The following IGFN1 variants were observed in gnomAD, a reference collection of about 807,000 sequenced individuals.
The protein encoded by IGFN1 is immunoglobulin-like and fibronectin type III domain-containing protein 1.
IGFN1 carries 253 observed loss-of-function variants against 289.5 expected under a neutral mutation model. The ratio of observed to expected loss-of-function variants is 0.87; its 90% confidence interval spans 0.79 to 0.97. IGFN1 has a LOEUF of 0.97. Ranked by LOEUF, IGFN1 falls within the 50% of genes least tolerant of loss-of-function variation. IGFN1 has a pLI of 0.00. For missense variants in IGFN1, 4,470 were observed against 4,686.1 expected, an observed-to-expected ratio of 0.95 and a Z score of 1.35; for synonymous variants, 1,706 against 1,788.5, an observed-to-expected ratio of 0.95 and a Z score of 1.16.
At chr1:201,195,134 G>A (rs1225546044) in intron 3 of IGFN1, among the ~76,000 whole-genome samples, 2 of 150,906 alleles carry the variant, frequency 1.3e-5, no homozygotes, top group African/African-American at 2.4e-5. Context: ...AGGAAGGGAA[G>A]CCAGAAAATC....
chr1:201,212,361 G>A lies in IGFN1; in HGVS notation c.7468G>A (p.Val2490Ile). Residue 2490 changes from valine to isoleucine, a missense_variant, in exon 12 of 24, where the codon GTC becomes ATC. Val to Ile is a conservative substitution (Grantham distance 29). Around this residue, in one of 8 missense-constraint regions of IGFN1, gnomAD observed 2,218 missense variants for 2,114.1 expected, o/e 1.05. Coordinates refer to ENST00000335211, the MANE Select transcript of IGFN1 (RefSeq NM_001164586.2). ...EAAGAKGKPD[V>I]KEWQDSSGTP... Reference sequence around the variant, plus strand: ...TGCTGGTGCCAAGGGAAAACCAGATGTCAAAGAATGGCAAGACAGTTCTGG... The same window carrying A: ...TGCTGGTGCCAAGGGAAAACCAGATATCAAAGAATGGCAAGACAGTTCTGG... 6.5e-7 allele frequency: 1 copy of A among 1,536,848 alleles called. No individual in the cohort carries two copies. Among genetic ancestry groups the A allele is most frequent in the Non-Finnish European group, 8.7e-7 (1 of 1,146,798 alleles).
chr1:201,197,337 T>C lies in IGFN1; in HGVS notation c.367+20T>C. On this transcript the variant is annotated intron_variant, in intron 5 of 23. Coordinates refer to ENST00000335211, the MANE Select transcript of IGFN1 (RefSeq NM_001164586.2). The stretch of plus-strand genomic sequence containing the variant: ...TCGAAGGTGGGCTTTTCCCTGAGTT[T>C]GTCTCATCAGTGCACAGGGCAGAGA... The C allele has an allele frequency of 6.7e-7, 1 of 1,487,032 alleles. No individual in the cohort carries two copies. 92.1% of individuals were successfully genotyped at this position (1,487,032 alleles called of 1,614,324 possible). A position where few individuals can be genotyped will look rare whatever the true frequency, so the allele number is the denominator to read the frequency against.
Position 201,205,101 on chromosome 1 carries a change from G to C in IGFN1, c.936G>C (p.Val312=). The C allele has an allele frequency of 2.6e-6, 4 of 1,547,648 alleles. No homozygotes were observed. The highest frequency in any genetic ancestry group is 3.5e-6 in the Non-Finnish European group (4 of 1,144,586). The change falls in exon 11 of 24, where the codon GTG becomes GTC. Residue 312 remains valine, a synonymous_variant. Transcript: ENST00000335211. ...LEASAIPPRV[V]VPLAETHCEE... is the part of the protein sequence containing the mutation. ...CGGCAGCCATCCCCCCAAGAGTGGT[G>C]GTCCCACTGGCGGAGACCCACTGTG...
rs577682608 is a variant in IGFN1, at chr1:201,205,195, C to T, written c.1030C>T (p.Arg344Trp). ...SPCPSAAWHF[R>W]HRLLHPSDKY... ...CTGCCCTAGTGCAGCCTGGCATTTC[C>T]GGCACCGGCTACTCCACCCCAGTGA... Residue 344 changes from arginine to tryptophan, a missense_variant, in exon 11 of 24, where the codon CGG becomes TGG. Around this residue, in one of 8 missense-constraint regions of IGFN1, gnomAD observed 2,011 missense variants for 1,953.4 expected, o/e 1.03. Coordinates refer to ENST00000335211, the MANE Select transcript of IGFN1 (RefSeq NM_001164586.2). 142 of 1,551,300 alleles carry T rather than the reference C, an allele frequency of 9.2e-5. No homozygotes were observed. The East Asian group carries it at 3.0e-3, about 32-fold the overall frequency.
Position 201,216,287 on chromosome 1 carries a change from G to GTAA in IGFN1, c.9296-165_9296-163dup, listed in dbSNP as rs1653260483. 1.6e-5 allele frequency: 10 copies of GTAA among 613,618 alleles called. No individual in the cohort carries two copies. The South Asian group carries it at 2.0e-4, about 12-fold the overall frequency. 38.0% of individuals were successfully genotyped at this position (613,618 alleles called of 1,614,324 possible). A position where few individuals can be genotyped will look rare whatever the true frequency, so the allele number is the denominator to read the frequency against. On this transcript the variant is annotated intron_variant, in intron 15 of 23. Coordinates refer to ENST00000335211, the MANE Select transcript of IGFN1 (RefSeq NM_001164586.2). ...ATCTCAAGAATGTGTGGCCCTCTGG[G>GTAA]TAATGCCCAAGGCTCTCTGGACAGT...
rs1450617988 is a variant in IGFN1, at chr1:201,197,204, T to G, written c.268-14T>G. 2.6e-6 allele frequency: 4 copies of G among 1,523,524 alleles called. No homozygotes were observed. 94.4% of individuals were successfully genotyped at this position (1,523,524 alleles called of 1,614,324 possible). ...TGTGGTAGCCCTGTTCCTCTGCCCT[T>G]GGCCTCTCTGCAGATCAACAAGCTG... On this transcript the variant is annotated splice_polypyrimidine_tract_variant and intron_variant, in intron 4 of 23. Coordinates refer to ENST00000335211, the MANE Select transcript of IGFN1 (RefSeq NM_001164586.2).
chr1:201,205,193 T>G lies in IGFN1; in HGVS notation c.1028T>G (p.Phe343Cys). ...SSPCPSAAWH[F>C]RHRLLHPSDK... is the part of the protein sequence containing the mutation. ...CCCTGCCCTAGTGCAGCCTGGCATT[T>G]CCGGCACCGGCTACTCCACCCCAGT... Residue 343 changes from phenylalanine to cysteine, a missense_variant, in exon 11 of 24, where the codon TTC (phenylalanine) becomes TGC (cysteine). By Grantham distance (205) the Phe-to-Cys change is radical. Transcript: ENST00000335211. 6.4e-7 allele frequency: 1 copy of G among 1,551,332 alleles called. No homozygotes were observed. Among genetic ancestry groups the G allele is most frequent in the East Asian group, 2.4e-5 (1 of 40,920 alleles).
Position 201,227,376 on chromosome 1 carries a change from G to A in IGFN1, c.11113+168G>A, listed in dbSNP as rs539013711. ...TTCAGCTATTTAACCTACCAACACC[G>A]GCCCACATGTGGTCTTTATTTGCCC... On this transcript the variant is annotated intron_variant, in intron 23 of 23. Coordinates refer to ENST00000335211, the MANE Select transcript of IGFN1 (RefSeq NM_001164586.2). Among the ~76,000 whole-genome samples, 89 of 152,066 alleles carry A rather than the reference G, an allele frequency of 5.9e-4. 1 individual carries two copies. Among genetic ancestry groups the A allele is most frequent in the Admixed American group, 1.6e-3 (24 of 15,264 alleles).
chr1:201,192,673 T>C (rs1412341925), intron 1 of IGFN1, among the ~76,000 whole-genome samples: 2 of 152,152 alleles, frequency 1.3e-5, no homozygotes, highest in African/African-American at 2.4e-5. Context: ...ACTGGAAGGA[T>C]TCTAGATTGG....
At position 201,213,313 on chromosome 1, in the gene IGFN1, G is replaced by C. The variant is rs781025521; in HGVS notation, c.8420G>C (p.Arg2807Thr). Residue 2807 changes from arginine (R) to threonine (T), a missense_variant, in exon 12 of 24, where the codon AGG (arginine) becomes ACG (threonine). Arg to Thr is a moderately conservative substitution (Grantham distance 71). Transcript: ENST00000335211. ...DEGQGVEEAG[R>T]SGRRPGSLRS... ...GGGCAGGGAGTGGAAGAGGCTGGGAGGTCAGGCAGGAGGCCTGGCTCACTC... is the reference window on the plus strand; with the variant it reads ...GGGCAGGGAGTGGAAGAGGCTGGGACGTCAGGCAGGAGGCCTGGCTCACTC... 5.5e-5 allele frequency: 87 copies of C among 1,578,296 alleles called. No individual in the cohort carries two copies. The African/African-American group carries it at 1.1e-3, about 20-fold the overall frequency.
At chr1:201,195,797 T>C (rs1319821896) in intron 3 of IGFN1, 42 bp from the exon 4 acceptor site, 11 of 1,537,642 alleles carry the variant, frequency 7.2e-6, no homozygotes, top group Non-Finnish European at 9.7e-6. Context: ...AGTCACCCTC[T>C]CCCAACTTGT....
At position 201,205,126 on chromosome 1, in the gene IGFN1, G is replaced by A. The variant is rs1323598097; in HGVS notation, c.961G>A (p.Glu321Lys). ...VVVPLAETHC[E>K]EQGDAVFECT... is the part of the protein sequence containing the mutation. ...GGTCCCACTGGCGGAGACCCACTGT[G>A]AGGAGCAGGGTGACGCAGTCTTTGA... Residue 321 changes from glutamate (E) to lysine (K), a missense_variant, in exon 11 of 24, where the codon GAG (glutamate) becomes AAG (lysine). Glu to Lys is a moderately conservative substitution (Grantham distance 56). Transcript: ENST00000335211. The A allele has an allele frequency of 1.3e-6, 2 of 1,550,620 alleles. No individual in the cohort carries two copies. The highest frequency in any genetic ancestry group is 2.7e-5 in the African/African-American group (2 of 73,050).
Position 201,205,297 on chromosome 1 carries a change from G to A in IGFN1, c.1132G>A (p.Gly378Ser), listed in dbSNP as rs1667359965. 15 of 1,501,874 alleles carry A rather than the reference G, an allele frequency of 1.0e-5. No individual in the cohort carries two copies. The highest frequency in any genetic ancestry group is 1.3e-5 in the Non-Finnish European group (15 of 1,122,830). 93.0% of individuals were successfully genotyped at this position (1,501,874 alleles called of 1,614,324 possible). ...VVRGARFSDMGPYSLGTGLYT... is the reference protein window; with the variant it reads ...VVRGARFSDMSPYSLGTGLYT... Reference sequence around the variant, plus strand: ...GAGGGGGGCACGTTTCTCAGACATGGGCCCCTATTCGCTGGGCACCGGGCT... The same window carrying A: ...GAGGGGGGCACGTTTCTCAGACATGAGCCCCTATTCGCTGGGCACCGGGCT... Residue 378 changes from glycine (G) to serine (S), a missense_variant, in exon 11 of 24, where the codon GGC becomes AGC. Physicochemically the swap from Gly to Ser is moderately conservative, Grantham distance 56. This residue lies in a region of IGFN1 where 2,011 missense variants were observed against 1,953.4 expected (regional missense o/e 1.03). Transcript: ENST00000335211.
At position 201,203,779 on chromosome 1, in the gene IGFN1, G is replaced by A. The variant is rs899844991; in HGVS notation, c.789G>A (p.Lys263=). ...CCTATGGCTTCAACAACCAAACCAA[G>A]CACTGTCTGCGCCGGCTGGGGAAGC... The part of the protein sequence containing the change: ...MIPYGFNNQT[K]HCLRRLGKRY... The change falls in exon 10 of 24, where the codon AAG becomes AAA. Residue 263 remains lysine, a synonymous_variant. Transcript: ENST00000335211. 9 of 1,551,760 alleles carry A rather than the reference G, an allele frequency of 5.8e-6. No individual in the cohort carries two copies. Among genetic ancestry groups the A allele is most frequent in the Non-Finnish European group, 7.8e-6 (9 of 1,147,068 alleles).
At position 201,215,579 on chromosome 1, in the gene IGFN1, A is replaced by G. The variant is rs1387375226; in HGVS notation, c.9036A>G (p.Arg3012=). 1 of 1,606,040 alleles carries G rather than the reference A, an allele frequency of 6.2e-7. No individual in the cohort carries two copies. Among genetic ancestry groups the G allele is most frequent in the South Asian group, 1.1e-5 (1 of 89,478 alleles). The change falls in exon 15 of 24, where the codon AGA becomes AGG. Residue 3012 remains arginine, a synonymous_variant. Transcript: ENST00000335211. ...CTCCAGATGTGACAGAGAAACTGAGAGAGCCACTGGTGGTCAAGGCTGGGA... is the reference window on the plus strand; with the variant it reads ...CTCCAGATGTGACAGAGAAACTGAGGGAGCCACTGGTGGTCAAGGCTGGGA... The part of the protein sequence containing the change: ...TIAPDVTEKL[R]EPLVVKAGKP...
chr1:201,226,076 G>A lies in IGFN1; in HGVS notation c.10739G>A (p.Ser3580Asn), dbSNP rs1395666873. 6.2e-7 allele frequency: 1 copy of A among 1,603,460 alleles called. No individual in the cohort carries two copies. The highest frequency in any genetic ancestry group is 8.5e-7 in the Non-Finnish European group (1 of 1,173,528). Residue 3580 changes from serine (S) to asparagine (N), a missense_variant, in exon 22 of 24, where the codon AGC becomes AAC. Physicochemically the swap from Ser to Asn is conservative, Grantham distance 46. Transcript: ENST00000335211. ...GTGGCCAAGAATGAGCTGGGGGCCA[G>A]CAAACCCTCGGACACCAGCCAGCCC... ...RVVAKNELGASKPSDTSQPWC... is the reference protein window; with the variant it reads ...RVVAKNELGANKPSDTSQPWC...
Position 201,206,598 on chromosome 1 carries a change from G to A in IGFN1, c.1705G>A (p.Gly569Arg), listed in dbSNP as rs1667433885. The A allele has an allele frequency of 1.3e-6, 2 of 1,546,298 alleles. No individual in the cohort carries two copies. Among genetic ancestry groups the A allele is most frequent in the Non-Finnish European group, 1.7e-6 (2 of 1,146,966 alleles). ...GGCTGGGTCCAGTCGGCTTCAGGCT[G>A]GAGGACTGGGGAGCAGCAGGGAAGG... ...WEAGSSRLQAGGLGSSREGKE... is the reference protein window; with the variant it reads ...WEAGSSRLQARGLGSSREGKE... Residue 569 changes from glycine to arginine, a missense_variant, in exon 12 of 24, where the codon GGA becomes AGA. Around this residue, in one of 8 missense-constraint regions of IGFN1, gnomAD observed 2,011 missense variants for 1,953.4 expected, o/e 1.03. Transcript: ENST00000335211.
chr1:201,223,822 T>C (rs1339150062), intron 20 of IGFN1, among the ~76,000 whole-genome samples: 1 of 152,246 alleles, frequency 6.6e-6, no homozygotes, highest in African/African-American at 2.4e-5. Context: ...GCACCCAATA[T>C]GTTTTAATAT....
chr1:201,195,573 C>A (rs551392471), intron 3 of IGFN1, among the ~76,000 whole-genome samples: 2 of 152,166 alleles, frequency 1.3e-5, no homozygotes, highest in Non-Finnish European at 2.9e-5. Flanking sequence ...TTCACCAGGG[C>A]CAGTCCACCT....
Sources: allele counts gnomAD v4.1 joint callset (sites outside exome capture counted in the v4.1 genomes callset), GRCh38; gene constraint gnomAD v4.1.1; regional missense constraint gnomAD v4.1.1; transcripts MANE v1.5; gene names NCBI Gene and HGNC (gene_info 2026-07-23, HGNC 2026-07-21).